The following GLMN variants were observed in gnomAD, a reference collection of about 807,000 sequenced individuals.
The protein encoded by GLMN is glomulin, FKBP associated protein, also known as glomulin.
Under a neutral mutation model 87.8 loss-of-function variants are expected in GLMN, and 75 were observed. The ratio of observed to expected loss-of-function variants is 0.85; its 90% CI spans 0.71 to 1.04. The LOEUF (loss-of-function observed/expected upper bound fraction) is 1.04. GLMN is among the 50% of genes least tolerant of loss of function. GLMN has a pLI of 0.00. For synonymous variants in GLMN, 206 were observed against 221.6 expected (o/e 0.93, Z 0.63); for missense variants, 588 against 658.8 (o/e 0.89, Z 1.18).
the GLMN span, chr1:92,320,618 C>G: frequency 5.0e-6 from 8 of 1,610,684 alleles, no homozygotes; most frequent in Non-Finnish European, 5.1e-6. Flanking sequence ...TTTTCAACTG[C>G]TAAAGGAAGA....
At chr1:92,329,314 T>C in the GLMN span, among the ~76,000 whole-genome samples, 2 of 152,292 alleles carry the variant, frequency 1.3e-5, no homozygotes, top group South Asian at 2.1e-4. Flanking sequence ...AATGGAGTTA[T>C]GTTCCCAGGT....
chr1:92,306,638 G>GATAGAGACCAGCCTGGGCAACAA, the GLMN span, among the ~76,000 whole-genome samples: 1 of 151,904 alleles, frequency 6.6e-6, no homozygotes, highest in African/African-American at 2.4e-5. Flanking sequence ...AGGGAGAGAA[G>GATAGAGACCAGCCTGGGCAACAA]ATAGAGACCA....
At chr1:92,308,406 TTAA>T in the GLMN span, among the ~76,000 whole-genome samples, 3 of 152,234 alleles carry the variant, frequency 2.0e-5, no homozygotes, top group African/African-American at 7.2e-5. Flanking sequence ...TTCTCCTTTC[TTAA>T]TATTTCTGTC....
intron 7 of GLMN, among the ~76,000 whole-genome samples, chr1:92,281,168 A>C (rs2100988917): frequency 6.6e-6 from 1 of 152,344 alleles, no homozygotes; most frequent in East Asian, 1.9e-4. Context: ...CATAATTGTC[A>C]GATTCACCAA....
At chr1:92,322,727 A>G in the GLMN span, among the ~76,000 whole-genome samples, 1 of 151,122 alleles carries the variant, frequency 6.6e-6, no homozygotes, top group East Asian at 1.9e-4. Context: ...AAATACAAAA[A>G]TTAGCCAGGC....
At chr1:92,324,039 T>C in the GLMN span, 1 of 1,613,970 alleles carries the variant, frequency 6.2e-7, no homozygotes, top group Non-Finnish European at 8.5e-7. Flanking sequence ...TGAAGGAGAC[T>C]TTGATTGAGT....
At chr1:92,299,079 G>T, upstream of GLMN, 1 of 1,507,670 alleles carries the variant, frequency 6.6e-7, no homozygotes, top group Non-Finnish European at 8.9e-7. Context: ...CCCCCATGGC[G>T]GACTTCGCTG....
chr1:92,318,821 T>G, the GLMN span, among the ~76,000 whole-genome samples: 1 of 152,162 alleles, frequency 6.6e-6, no homozygotes, highest in Non-Finnish European at 1.5e-5. Flanking sequence ...AGTCTTATAG[T>G]AATTGGTGAT....
At chr1:92,352,309 C>T in the GLMN span, among the ~76,000 whole-genome samples, 1,186 of 152,278 alleles carry the variant, frequency 7.8e-3, 6 homozygotes, top group African/African-American at 0.027. Context: ...TGACCATGAT[C>T]GCTAAACAAA....
the GLMN span, among the ~76,000 whole-genome samples, chr1:92,348,004 G>A: frequency 6.6e-6 from 1 of 152,058 alleles, no homozygotes; most frequent in African/African-American, 2.4e-5. Context: ...CTGCCTCCCG[G>A]GTTCAACCAA....
chr1:92,332,760 G>A, the GLMN span, among the ~76,000 whole-genome samples: 4 of 152,088 alleles, frequency 2.6e-5, no homozygotes, highest in Non-Finnish European at 5.9e-5. Flanking sequence ...CCTTCTTGAA[G>A]GATACCCTGA....
chr1:92,319,799 G>C, the GLMN span, among the ~76,000 whole-genome samples: 5 of 152,174 alleles, frequency 3.3e-5, no homozygotes, highest in Non-Finnish European at 7.4e-5. Flanking sequence ...AGGAGTTCAA[G>C]ACCAGCCTGA....
chr1:92,345,400 AAGAG>A, the GLMN span, among the ~76,000 whole-genome samples: 46 of 138,316 alleles, frequency 3.3e-4, no homozygotes, highest in Middle Eastern at 3.5e-3. Flanking sequence ...AAAAAAAAAA[AAGAG>A]AGAGAGAGAA....
chr1:92,337,875 C>T, the GLMN span, among the ~76,000 whole-genome samples: 1 of 152,088 alleles, frequency 6.6e-6, no homozygotes, highest in African/African-American at 2.4e-5. Context: ...GTAGGTAATA[C>T]ATTTCTGCAA....
chr1:92,272,672 G>A (rs1656361759), intron 7 of GLMN, among the ~76,000 whole-genome samples: 2 of 152,166 alleles, frequency 1.3e-5, no homozygotes, highest in African/African-American at 4.8e-5. Context: ...CAGGGCAGCT[G>A]GGCCTGAGGA....
intron 4 of GLMN, among the ~76,000 whole-genome samples, chr1:92,290,714 A>C (rs1649310694): frequency 6.6e-6 from 1 of 152,204 alleles, no homozygotes; most frequent in Non-Finnish European, 1.5e-5. Context: ...GCCATATCTT[A>C]TCATCTCACT....
the GLMN span, among the ~76,000 whole-genome samples, chr1:92,360,622 G>C: frequency 6.6e-6 from 1 of 152,080 alleles, no homozygotes; most frequent in East Asian, 1.9e-4. Context: ...GACATCAAAG[G>C]TGTATTTGCC....
intron 7 of GLMN, among the ~76,000 whole-genome samples, chr1:92,273,498 G>A (rs769389298): frequency 6.2e-5 from 9 of 144,226 alleles, no homozygotes; most frequent in Non-Finnish European, 1.2e-4. Flanking sequence ...AGGCTGGAGT[G>A]TAGTGGCATG....
chr1:92,347,692 A>T, the GLMN span, among the ~76,000 whole-genome samples: 2 of 152,308 alleles, frequency 1.3e-5, no homozygotes, highest in South Asian at 4.1e-4. Flanking sequence ...AAACCTCTCT[A>T]GTGTTTGATT....
Sources: gnomAD v4.1 joint callset for allele counts (sites outside exome capture counted in the v4.1 genomes callset) on GRCh38, gnomAD v4.1.1 for gene constraint, MANE v1.5 for transcripts, NCBI Gene and HGNC (gene_info 2026-07-23, HGNC 2026-07-21) for gene names.